PCDH10: variants seen among roughly 807,000 people sequenced by gnomAD.
PCDH10 encodes the protein protocadherin-10.
Under a neutral mutation model 74.4 loss-of-function variants are expected in PCDH10, and 15 were observed. That is an observed-to-expected ratio of 0.20 (90% CI 0.13 to 0.31). PCDH10 has a LOEUF of 0.31. Ranked by LOEUF, PCDH10 falls within the 10% of genes least tolerant of loss-of-function variation. The pLI is 1.00. For missense variants in PCDH10, 1,260 were observed against 1,390.2 expected (o/e 0.91, Z 1.49); for synonymous variants, 619 against 589.8 (o/e 1.05, Z -0.72).
chr4:133,204,017 T>C (rs1267759947), intron 2 of PCDH10, among the ~76,000 whole-genome samples: 2 of 152,172 alleles, frequency 1.3e-5, no homozygotes, highest in Admixed American at 1.3e-4. Flanking sequence ...CTCTCCACTG[T>C]TTTAAGACGG....
At chr4:133,189,065 A>T (rs953570696) in intron 4 of PCDH10, among the ~76,000 whole-genome samples, 3 of 152,130 alleles carry the variant, frequency 2.0e-5, no homozygotes, top group Non-Finnish European at 4.4e-5. Context: ...GAGGAAAAAT[A>T]AATTAGGATA....
chr4:133,150,605 C>A lies in PCDH10; in HGVS notation c.465C>A (p.Ser155=), dbSNP rs1278071750. The change falls in exon 1 of 5, where the codon TCC becomes TCA. Residue 155 remains serine, a synonymous_variant. Coordinates refer to ENST00000264360, the MANE Select transcript of PCDH10 (RefSeq NM_032961.3). ...SAFDPDVGTN[S]LRDYEITPNS... is the part of the protein sequence containing the mutation. ...TCGACCCAGACGTGGGCACCAACTC[C>A]TTGCGCGACTACGAGATCACCCCCA... 6.2e-7 allele frequency: 1 copy of A among 1,613,592 alleles called. No homozygotes were observed. Among genetic ancestry groups the A allele is most frequent in the South Asian group, 1.1e-5 (1 of 91,060 alleles).
intron 4 of PCDH10, among the ~76,000 whole-genome samples, chr4:133,189,653 T>G (rs1727616323): frequency 1.3e-5 from 2 of 152,112 alleles, no homozygotes; most frequent in African/African-American, 4.8e-5. Context: ...GAGTCATCTT[T>G]AAATTATTTA....
At chr4:133,179,734 A>T (rs760246110) in intron 4 of PCDH10, among the ~76,000 whole-genome samples, 37 of 152,108 alleles carry the variant, frequency 2.4e-4, no homozygotes, top group Non-Finnish European at 4.0e-4. Context: ...CTGGACTGTA[A>T]AATCTTTTAG....
rs778449540 is a variant in PCDH10, at chr4:133,151,661, C to T, written c.1521C>T (p.Ile507=). Residue 507 remains isoleucine, a synonymous_variant, in exon 1 of 5, where the codon ATC becomes ATT. Coordinates refer to ENST00000264360, the MANE Select transcript of PCDH10 (RefSeq NM_032961.3). The stretch of plus-strand genomic sequence containing the variant: ...CCTACTCTATCCTCGAGTGCCAGAT[C>T]CAGGGCATGAGCGTCTTCACCTACG... ...QLAYSILECQ[I]QGMSVFTYVS... The T allele has an allele frequency of 2.5e-6, 4 of 1,613,724 alleles. No individual in the cohort carries two copies. Among genetic ancestry groups the T allele is most frequent in the Non-Finnish European group, 3.4e-6 (4 of 1,180,046 alleles).
At chr4:133,197,428 C>A (rs971412374), downstream of PCDH10, among the ~76,000 whole-genome samples, 2 of 152,110 alleles carry the variant, frequency 1.3e-5, no homozygotes, top group Non-Finnish European at 2.9e-5. Flanking sequence ...GCTCTGTTCC[C>A]TAGAGGTGTC....
At chr4:133,185,102 A>G (rs543393145) in intron 4 of PCDH10, among the ~76,000 whole-genome samples, 60 of 148,518 alleles carry the variant, frequency 4.0e-4, no homozygotes, top group African/African-American at 1.4e-3. Flanking sequence ...TTTGAGGAAC[A>G]TATCTAAAAA....
intron 3 of PCDH10, among the ~76,000 whole-genome samples, chr4:133,162,480 A>T (rs867832057): frequency 6.6e-6 from 1 of 152,232 alleles, no homozygotes; most frequent in South Asian, 2.1e-4. Flanking sequence ...CTTCATATTC[A>T]AATTTCATAA....
chr4:133,180,920 G>A (rs1228641402), intron 4 of PCDH10, among the ~76,000 whole-genome samples: 1 of 149,480 alleles, frequency 6.7e-6, no homozygotes, highest in Non-Finnish European at 1.5e-5. Context: ...TAACATTTTT[G>A]TGATTTTTTT....
At chr4:133,155,995 T>C (rs1215954461) in intron 3 of PCDH10, among the ~76,000 whole-genome samples, 1 of 152,220 alleles carries the variant, frequency 6.6e-6, no homozygotes. Flanking sequence ...CTAGTCAACT[T>C]TTCTAACTCC....
chr4:133,178,140 A>G (rs916331652), intron 4 of PCDH10, among the ~76,000 whole-genome samples: 4 of 144,184 alleles, frequency 2.8e-5, no homozygotes, highest in African/African-American at 1.0e-4. Context: ...TAGGTAGACC[A>G]AGAAACATTT....
chr4:133,159,541 G>A (rs1345995384), intron 3 of PCDH10, among the ~76,000 whole-genome samples: 1 of 151,978 alleles, frequency 6.6e-6, no homozygotes, highest in East Asian at 1.9e-4. Flanking sequence ...CTGAAAGGTG[G>A]GAAGACTGAA....
At chr4:133,186,607 C>T (rs1255234813) in intron 4 of PCDH10, among the ~76,000 whole-genome samples, 2 of 152,196 alleles carry the variant, frequency 1.3e-5, no homozygotes, top group African/African-American at 2.4e-5. Context: ...AATAATTGTC[C>T]TGGTACTGGC....
chr4:133,188,500 A>G (rs903839892), intron 4 of PCDH10, among the ~76,000 whole-genome samples: 3 of 152,124 alleles, frequency 2.0e-5, no homozygotes, highest in African/African-American at 7.2e-5. Flanking sequence ...TGACCTGGTT[A>G]TAATGACTAC....
intron 4 of PCDH10, among the ~76,000 whole-genome samples, chr4:133,187,124 G>T (rs1727559493): frequency 3.3e-5 from 5 of 152,100 alleles, no homozygotes; most frequent in Admixed American, 3.3e-4. Context: ...AGGTTGGCAG[G>T]ATTTTTGGCT....
rs1727637371 is a variant in PCDH10 at position 133,190,467 on chromosome 4, T to C, written c.*307T>C. ...CAAATGTCACTGAGCCCTTTAGATG[T>C]TTATATTCACCACGAGAAGCCAGTC... On this transcript the variant is annotated 3_prime_UTR_variant, in exon 5 of 5. Transcript: ENST00000264360. The C allele has an allele frequency of 3.0e-6, 1 of 334,108 alleles. No homozygotes were observed. The highest frequency in any genetic ancestry group is 4.8e-5 in the East Asian group (1 of 20,932). 20.7% of individuals were successfully genotyped at this position (334,108 alleles called of 1,614,324 possible). A position where few individuals can be genotyped will look rare whatever the true frequency, so the allele number is the denominator to read the frequency against.
In PCDH10 at chr4:133,150,605, C is replaced by T. The variant is rs1278071750; in HGVS notation, c.465C>T (p.Ser155=). The change falls in exon 1 of 5, where the codon TCC becomes TCT. Residue 155 remains serine (S), a synonymous_variant. Coordinates refer to ENST00000264360, the MANE Select transcript of PCDH10 (RefSeq NM_032961.3). ...SAFDPDVGTN[S]LRDYEITPNS... ...TCGACCCAGACGTGGGCACCAACTC[C>T]TTGCGCGACTACGAGATCACCCCCA... 1 of 1,613,592 alleles carries T rather than the reference C, an allele frequency of 6.2e-7. No homozygotes were observed. The highest frequency in any genetic ancestry group is 8.5e-7 in the Non-Finnish European group (1 of 1,179,980).
rs142000734 is a variant in PCDH10 at position 133,176,047 on chromosome 4, A to T, written c.3103+12765A>T. 9.6e-3 allele frequency among the ~76,000 whole-genome samples: 1,458 copies of T among 152,210 alleles called. 18 individuals are homozygous for T. The highest frequency in any genetic ancestry group is 0.024 in the Middle Eastern group (7 of 294). On this transcript the variant is annotated intron_variant, in intron 4 of 4. Transcript: ENST00000264360. ...CATACCCTATTCTTATTGCTTTCAG[A>T]ATAGGTTTTCCCTAAGCATCACTAA...
chr4:133,181,775 T>A (rs1727423727), intron 4 of PCDH10, among the ~76,000 whole-genome samples: 1 of 152,060 alleles, frequency 6.6e-6, no homozygotes, highest in Non-Finnish European at 1.5e-5. Context: ...CTGAATTATG[T>A]TAGGGAAAAT....
Sources: allele counts gnomAD v4.1 joint callset (sites outside exome capture counted in the v4.1 genomes callset), GRCh38; gene constraint gnomAD v4.1.1; transcripts MANE v1.5; gene names NCBI Gene and HGNC (gene_info 2026-07-23, HGNC 2026-07-21).